Variants in PLAAT5 observed in about 807,000 individuals in gnomAD.
PLAAT5 encodes phospholipase A and acyltransferase 5, also known as Ca(2+)-independent N-acyltransferase.
Under a neutral mutation model 27.8 loss-of-function variants are expected in PLAAT5, and 27 were observed. The ratio of observed to expected loss-of-function variants is 0.97; its 90% CI spans 0.72 to 1.34. The LOEUF (loss-of-function observed/expected upper bound fraction) is 1.34. Ranked by LOEUF, PLAAT5 falls within the 40% of genes most tolerant of loss-of-function variation. The pLI is 0.00. For synonymous variants in PLAAT5, 125 were observed against 136.1 expected (o/e 0.92, Z 0.57); for missense variants, 368 against 343.8 (o/e 1.07, Z -0.56).
intron 3 of PLAAT5, among the ~76,000 whole-genome samples, chr11:63,486,172 C>T (rs189181441): frequency 6.6e-6 from 1 of 152,246 alleles, no homozygotes; most frequent in East Asian, 1.9e-4. Flanking sequence ...AACACTTTTA[C>T]ACTGCTGGTG....
At chr11:63,472,347 T>C (rs540114695) in intron 3 of PLAAT5, among the ~76,000 whole-genome samples, 3 of 152,350 alleles carry the variant, frequency 2.0e-5, no homozygotes, top group South Asian at 2.1e-4. Context: ...CTGAGATTCA[T>C]GCTTGCTGCA....
chr11:63,482,974 C>T (rs1296283811), intron 3 of PLAAT5, among the ~76,000 whole-genome samples: 1 of 152,096 alleles, frequency 6.6e-6, no homozygotes, highest in Non-Finnish European at 1.5e-5. Flanking sequence ...TAAGACAAAA[C>T]AGACCTTAAA....
intron 3 of PLAAT5, among the ~76,000 whole-genome samples, chr11:63,469,141 TGTGTGA>T (rs1461761442): frequency 1.3e-3 from 191 of 142,136 alleles, no homozygotes; most frequent in African/African-American, 3.0e-3. Flanking sequence ...TGTGTGTGTG[TGTGTGA>T]GAGAGAGAGA....
chr11:63,490,170 C>T, intron 2 of PLAAT5, 73 bp downstream of exon 2: 2 of 1,602,478 alleles, frequency 1.2e-6, no homozygotes, highest in Non-Finnish European at 1.7e-6. Flanking sequence ...GTTTGTTTTA[C>T]AGAACTGCAT....
At position 63,475,622 on chromosome 11, in the gene PLAAT5, A is replaced by G. The variant is rs1454455586; in HGVS notation, c.346-7157T>C. ...ATTCACATTTAATGTTACTATTAATAAAGTTGGATTTATGACTATAATTTT... is the reference window on the plus strand; with the variant it reads ...ATTCACATTTAATGTTACTATTAATGAAGTTGGATTTATGACTATAATTTT... On this transcript the variant is annotated intron_variant, in intron 3 of 5. Transcript: ENST00000540857. Among the ~76,000 whole-genome samples the G allele has an allele frequency of 3.3e-5, 5 of 152,184 alleles. No individual in the cohort carries two copies. The East Asian group carries it at 9.6e-4, about 29-fold the overall frequency.
chr11:63,490,221 C>G, intron 2 of PLAAT5, 22 bp downstream of exon 2: 1 of 1,614,100 alleles, frequency 6.2e-7, no homozygotes, highest in Admixed American at 1.7e-5. Context: ...ACCCAAAGAC[C>G]CCAACCTTAC....
intron 5 of PLAAT5, among the ~76,000 whole-genome samples, chr11:63,464,593 T>C (rs1188706992): frequency 6.6e-6 from 1 of 151,944 alleles, no homozygotes; most frequent in African/African-American, 2.4e-5. Flanking sequence ...GAGGCAGAGG[T>C]TGCAGTGAGC....
intron 4 of PLAAT5, among the ~76,000 whole-genome samples, chr11:63,467,842 G>A (rs1205497880): frequency 1.3e-5 from 2 of 152,226 alleles, no homozygotes; most frequent in Non-Finnish European, 2.9e-5. Context: ...AAGCAGCTGT[G>A]AGAAATGAAA....
At chr11:63,490,397 C>T (rs373790972) in intron 1 of PLAAT5, 64 bp from the exon 2 acceptor site, 8 of 1,612,020 alleles carry the variant, frequency 5.0e-6, no homozygotes, top group Non-Finnish European at 5.9e-6. Context: ...GCACCTTGAC[C>T]GCTACGGAGA....
At chr11:63,471,180 G>T (rs1298954026) in intron 3 of PLAAT5, among the ~76,000 whole-genome samples, 1 of 152,314 alleles carries the variant, frequency 6.6e-6, no homozygotes, top group East Asian at 1.9e-4. Context: ...CAAACATTAA[G>T]TCTATATAAA....
chr11:63,486,224 G>A (rs1047977920), intron 3 of PLAAT5, among the ~76,000 whole-genome samples: 2 of 152,164 alleles, frequency 1.3e-5, no homozygotes, highest in Non-Finnish European at 2.9e-5. Flanking sequence ...ACACCATGGA[G>A]ACTCCTTAAA....
chr11:63,467,376 G>A (rs1354031170), intron 4 of PLAAT5, among the ~76,000 whole-genome samples: 1 of 152,154 alleles, frequency 6.6e-6, no homozygotes, highest in Non-Finnish European at 1.5e-5. Flanking sequence ...AGTAGGTTCT[G>A]AGACAAGAAG....
At chr11:63,490,374 A>G (rs1305522662) in intron 1 of PLAAT5, 41 bp from the exon 2 acceptor site, 1 of 1,613,820 alleles carries the variant, frequency 6.2e-7, no homozygotes. Context: ...CTGTGAAAGG[A>G]GAGTTCGAGC....
At chr11:63,464,993 T>G (rs1287516853) in intron 5 of PLAAT5, among the ~76,000 whole-genome samples, 2 of 152,056 alleles carry the variant, frequency 1.3e-5, no homozygotes, top group Non-Finnish European at 2.9e-5. Context: ...AAAAGAAAGC[T>G]GAGGGCCAGG....
chr11:63,483,811 A>G (rs867655096), intron 3 of PLAAT5, among the ~76,000 whole-genome samples: 8 of 99,506 alleles, frequency 8.0e-5, no homozygotes, highest in Non-Finnish European at 1.1e-4. Flanking sequence ...GTATATATAT[A>G]TATATATATA....
intron 3 of PLAAT5, among the ~76,000 whole-genome samples, chr11:63,487,180 T>C (rs976674946): frequency 3.3e-5 from 5 of 152,080 alleles, no homozygotes; most frequent in Non-Finnish European, 7.4e-5. Context: ...GGAGAGAAAA[T>C]ATTATAAAGT....
At chr11:63,473,441 A>G (rs944643699) in intron 3 of PLAAT5, among the ~76,000 whole-genome samples, 1 of 152,220 alleles carries the variant, frequency 6.6e-6, no homozygotes, top group African/African-American at 2.4e-5. Flanking sequence ...ACTTTCTTGC[A>G]ATATTCGTTT....
rs998335025 is a variant in PLAAT5, at chr11:63,475,223, T to C, written c.346-6758A>G. On this transcript the variant is annotated intron_variant, in intron 3 of 5. Coordinates refer to ENST00000540857, the MANE Select transcript of PLAAT5 (RefSeq NM_001146729.2). ...ACTGATTTTCTGTCTAGTTGTTCTA[T>C]CCACTATTGAGAGTGGGGTATTGAA... 3.9e-5 allele frequency among the ~76,000 whole-genome samples: 6 copies of C among 152,218 alleles called. No homozygotes were observed. The East Asian group carries it at 1.2e-3, about 29-fold the overall frequency.
At chr11:63,464,396 G>A (rs1335838257) in intron 5 of PLAAT5, among the ~76,000 whole-genome samples, 1 of 152,140 alleles carries the variant, frequency 6.6e-6, no homozygotes. Flanking sequence ...GGTGGCTCAC[G>A]CCTGTAATCC....
Sources: gnomAD v4.1 joint callset for allele counts (sites outside exome capture counted in the v4.1 genomes callset) on GRCh38, gnomAD v4.1.1 for gene constraint, MANE v1.5 for transcripts, NCBI Gene and HGNC (gene_info 2026-07-23, HGNC 2026-07-21) for gene names.